ATP6V1B2: variants seen among roughly 807,000 people sequenced by gnomAD.
ATP6V1B2 encodes V-type proton ATPase subunit B, brain isoform.
In ATP6V1B2, 23 loss-of-function variants were observed where a neutral mutation model predicts 66.7. The ratio of observed to expected loss-of-function variants is 0.34; its 90% CI spans 0.25 to 0.49. The LOEUF (loss-of-function observed/expected upper bound fraction) is 0.49. Ranked by LOEUF, ATP6V1B2 falls within the 20% of genes least tolerant of loss-of-function variation. ATP6V1B2 has a pLI of 0.99. For synonymous variants in ATP6V1B2, 278 were observed against 236.7 expected, an observed-to-expected ratio of 1.17 and a Z score of -1.60; for missense variants, 478 against 650.8, an observed-to-expected ratio of 0.73 and a Z score of 2.89.
At chr8:20,220,133 T>G (rs1012114684) in intron 13 of ATP6V1B2, 130 bp from the exon 14 acceptor site, 2 of 933,894 alleles carry the variant, frequency 2.1e-6, no homozygotes, top group Non-Finnish European at 1.5e-6. Flanking sequence ...TCTCATTTAG[T>G]CTTGGGAGTC....
At chr8:20,209,377 T>G in intron 2 of ATP6V1B2, 56 bp from the exon 3 acceptor site, 1 of 1,516,002 alleles carries the variant, frequency 6.6e-7, no homozygotes, top group Non-Finnish European at 9.1e-7. Context: ...GCATGTGTAG[T>G]AATTTGGGGG....
In ATP6V1B2 at chr8:20,209,409, G is replaced by C. The variant is rs117663862; in HGVS notation, c.193-24G>C. On this transcript the variant is annotated intron_variant, in intron 2 of 13. Coordinates refer to ENST00000276390, the MANE Select transcript of ATP6V1B2 (RefSeq NM_001693.4). ...GGGGGCTTGTAAAATGTCGGATATT[G>C]ATCCTTTATTTTTTTCTCTTTAGTT... is the stretch of plus-strand genomic sequence containing the variant. The C allele has an allele frequency of 3.4e-4, 549 of 1,605,704 alleles. 5 individuals carry two copies. In the East Asian group the frequency reaches 0.01, roughly 30 times the overall value.
At chr8:20,200,341 G>A (rs1022049480) in intron 1 of ATP6V1B2, among the ~76,000 whole-genome samples, 1 of 152,202 alleles carries the variant, frequency 6.6e-6, no homozygotes, top group East Asian at 1.9e-4. Context: ...TGAACCTTTA[G>A]AAGTCAGAGA....
In ATP6V1B2 at chr8:20,212,135, G is replaced by C; in HGVS notation, c.739G>C (p.Asp247His). 1.9e-6 allele frequency: 3 copies of C among 1,613,608 alleles called. No homozygotes were observed. The highest frequency in any genetic ancestry group is 2.5e-6 in the Non-Finnish European group (3 of 1,179,758). Residue 247 changes from aspartate (D) to histidine (H), a missense_variant, in exon 8 of 14, where the codon GAC (aspartate) becomes CAC (histidine). Asp to His is a moderately conservative substitution (Grantham distance 81). Around this residue, in one of 2 missense-constraint regions of ATP6V1B2, gnomAD observed 326 missense variants for 545.6 expected, o/e 0.60. Coordinates refer to ENST00000276390, the MANE Select transcript of ATP6V1B2 (RefSeq NM_001693.4). ...NMETARFFKS[D>H]FEENGSMDNV... The stretch of plus-strand genomic sequence containing the variant: ...GGAAACTGCCCGGTTCTTCAAATCT[G>C]ACTTTGAAGAAAATGGCTCAATGGA...
chr8:20,208,461 A>C (rs2072759553), intron 2 of ATP6V1B2, among the ~76,000 whole-genome samples: 1 of 152,196 alleles, frequency 6.6e-6, no homozygotes, highest in Non-Finnish European at 1.5e-5. Flanking sequence ...ATCTTTCAAT[A>C]AATTATGTTG....
intron 1 of ATP6V1B2, among the ~76,000 whole-genome samples, chr8:20,199,256 A>G (rs1231215714): frequency 2.0e-5 from 3 of 152,202 alleles, no homozygotes; most frequent in African/African-American, 7.2e-5. Context: ...AGGGCTTCAC[A>G]CTCAACTGTT....
At chr8:20,217,164 T>C (rs1360575042) in intron 11 of ATP6V1B2, 56 bp from the exon 12 acceptor site, 1 of 1,426,832 alleles carries the variant, frequency 7.0e-7, no homozygotes, top group Non-Finnish European at 9.9e-7. Flanking sequence ...TTATTACCAG[T>C]AAAACTTGAG....
intron 2 of ATP6V1B2, 40 bp from the exon 3 acceptor site, chr8:20,209,393 T>G: frequency 6.3e-7 from 1 of 1,587,738 alleles, no homozygotes; most frequent in Non-Finnish European, 8.6e-7. Context: ...GGGGGGCTTG[T>G]AAAATGTCGG....
chr8:20,211,586 A>G, intron 6 of ATP6V1B2, 66 bp from the exon 7 acceptor site: 5 of 1,505,702 alleles, frequency 3.3e-6, no homozygotes, highest in Admixed American at 2.2e-5. Context: ...AGTTTATGGT[A>G]AAAGTTATTT....
At chr8:20,219,012 A>G (rs2072882259) in intron 13 of ATP6V1B2, among the ~76,000 whole-genome samples, 1 of 152,094 alleles carries the variant, frequency 6.6e-6, no homozygotes. Flanking sequence ...TTCTTTGCTT[A>G]TTGTCCATTG....
chr8:20,219,860 T>C (rs193077955), intron 13 of ATP6V1B2, among the ~76,000 whole-genome samples: 1 of 152,338 alleles, frequency 6.6e-6, no homozygotes, highest in Non-Finnish European at 1.5e-5. Flanking sequence ...TATGTCCTTC[T>C]GAGCATCTGT....
intron 8 of ATP6V1B2, 29 bp downstream of exon 8, chr8:20,212,228 G>A (rs1473486827): frequency 6.3e-7 from 1 of 1,597,174 alleles, no homozygotes; most frequent in African/African-American, 1.3e-5. Context: ...TCTTTCTGTG[G>A]CCCAGACTCG....
At chr8:20,212,257 A>T in intron 8 of ATP6V1B2, 58 bp downstream of exon 8, 1 of 1,530,180 alleles carries the variant, frequency 6.5e-7, no homozygotes, top group East Asian at 2.3e-5. Flanking sequence ...AGTGTGTCTT[A>T]AGGTTGGGGA....
At chr8:20,211,424 GTTA>G in intron 6 of ATP6V1B2, 108 bp downstream of exon 6, 1 of 1,442,776 alleles carries the variant, frequency 6.9e-7, no homozygotes, top group Non-Finnish European at 9.3e-7. Context: ...AATACTCAGT[GTTA>G]TTGTTTGTAT....
chr8:20,219,508 G>T (rs1453937324), intron 13 of ATP6V1B2, among the ~76,000 whole-genome samples: 9 of 152,096 alleles, frequency 5.9e-5, no homozygotes, highest in Non-Finnish European at 1.2e-4. Flanking sequence ...AACATCGGTG[G>T]TTACAACAGG....
Position 20,204,472 on chromosome 8 carries a change from A to G in ATP6V1B2, c.137-12A>G, listed in dbSNP as rs556241850. On this transcript the variant is annotated splice_polypyrimidine_tract_variant and intron_variant, in intron 1 of 13. Transcript: ENST00000276390. ...ATTTGACTAAAACTGACTCTTCTGT[A>G]TTTCTTTCCAGCATACAAGACAGTA... The G allele has an allele frequency of 6.2e-5, 100 of 1,610,368 alleles. 1 individual carries two copies. The East Asian group carries it at 2.0e-3, about 32-fold the overall frequency.
chr8:20,201,206 T>G (rs1378614527), intron 1 of ATP6V1B2, among the ~76,000 whole-genome samples: 1 of 152,240 alleles, frequency 6.6e-6, no homozygotes, highest in Non-Finnish European at 1.5e-5. Context: ...TCAGAAGTTC[T>G]GATTATCCCC....
chr8:20,197,408 TGGCGCTGCG>T lies in ATP6V1B2; in HGVS notation c.7_15del (p.LeuArgAla3_?5). 1 of 1,540,710 alleles carries T rather than the reference TGGCGCTGCG, an allele frequency of 6.5e-7. No individual in the cohort carries two copies. Among genetic ancestry groups the T allele is most frequent in the Non-Finnish European group, 8.7e-7 (1 of 1,145,018 alleles). ...GCCAGTCGGGACAGAGGAGACAAGA[TGGCGCTGCG>T]GGCGATGCGGGGGATTGTCAACGGG... On this transcript the variant is annotated start_lost and inframe_deletion, in exon 1 of 14. Coordinates refer to ENST00000276390, the MANE Select transcript of ATP6V1B2 (RefSeq NM_001693.4).
chr8:20,197,633 A>C (rs902629801), intron 1 of ATP6V1B2, 91 bp downstream of exon 1: 346 of 1,275,926 alleles, frequency 2.7e-4, no homozygotes, highest in Non-Finnish European at 3.4e-4. Flanking sequence ...GGTAGGGGGT[A>C]GGATTTGTTT....
Sources: allele counts gnomAD v4.1 joint callset (sites outside exome capture counted in the v4.1 genomes callset), GRCh38; gene constraint gnomAD v4.1.1; regional missense constraint gnomAD v4.1.1; transcripts MANE v1.5; gene names NCBI Gene and HGNC (gene_info 2026-07-23, HGNC 2026-07-21).